Variants in NXPH2 observed in about 807,000 individuals in gnomAD.
The protein encoded by NXPH2 is neurexophilin-2.
In NXPH2, 5 loss-of-function variants were observed where a neutral mutation model predicts 19.8. That is an observed-to-expected ratio of 0.25 (90% CI 0.13 to 0.53). NXPH2 has a LOEUF of 0.53. Among genes scored for constraint, NXPH2 ranks in the 20% least tolerant of loss-of-function variants. The pLI is 0.96. For synonymous variants in NXPH2, 154 were observed against 127.4 expected, an observed-to-expected ratio of 1.21 and a Z score of -1.41; for missense variants, 289 against 322.8, an observed-to-expected ratio of 0.90 and a Z score of 0.80.
chr2:138,680,218 T>C (rs1256293037), intron 1 of NXPH2, among the ~76,000 whole-genome samples: 1 of 152,174 alleles, frequency 6.6e-6, no homozygotes, highest in Non-Finnish European at 1.5e-5. Context: ...CTCTCTGAGC[T>C]TGGTTTTCTT....
At chr2:138,689,756 G>A (rs1175128409) in intron 1 of NXPH2, among the ~76,000 whole-genome samples, 5 of 152,176 alleles carry the variant, frequency 3.3e-5, no homozygotes, top group African/African-American at 1.2e-4. Flanking sequence ...TTATTGGGGA[G>A]GGAGGAGCAA....
chr2:138,772,324 T>G (rs1031656996), intron 1 of NXPH2, among the ~76,000 whole-genome samples: 2 of 142,068 alleles, frequency 1.4e-5, no homozygotes, highest in Non-Finnish European at 3.1e-5. Flanking sequence ...GAGACAGAGT[T>G]GCACTCTTAT....
At chr2:138,724,749 G>A (rs983521320) in intron 1 of NXPH2, among the ~76,000 whole-genome samples, 1 of 152,310 alleles carries the variant, frequency 6.6e-6, no homozygotes, top group East Asian at 1.9e-4. Flanking sequence ...TTGTCCAAAT[G>A]TGTGTCTGTT....
intron 1 of NXPH2, among the ~76,000 whole-genome samples, chr2:138,749,888 T>C (rs1234013897): frequency 6.6e-6 from 1 of 152,166 alleles, no homozygotes; most frequent in Admixed American, 6.5e-5. Context: ...ACAGAGTGTG[T>C]CGCTTATTTA....
chr2:138,749,286 C>A (rs1681790367), intron 1 of NXPH2, among the ~76,000 whole-genome samples: 1 of 152,156 alleles, frequency 6.6e-6, no homozygotes, highest in African/African-American at 2.4e-5. Flanking sequence ...TTCCTGAGGC[C>A]TCTCTAGCCA....
At chr2:138,774,421 A>G (rs1001565019) in intron 1 of NXPH2, among the ~76,000 whole-genome samples, 14 of 152,228 alleles carry the variant, frequency 9.2e-5, no homozygotes, top group Admixed American at 2.0e-4. Context: ...TGATGTGGTT[A>G]ACAGCATAAA....
intron 1 of NXPH2, among the ~76,000 whole-genome samples, chr2:138,737,028 A>G (rs1681559287): frequency 6.6e-6 from 1 of 152,188 alleles, no homozygotes; most frequent in South Asian, 2.1e-4. Flanking sequence ...GGGCATAGCC[A>G]TTCAACAAGT....
At chr2:138,704,484 G>A (rs1415158914) in intron 1 of NXPH2, among the ~76,000 whole-genome samples, 1 of 152,154 alleles carries the variant, frequency 6.6e-6, no homozygotes, top group Non-Finnish European at 1.5e-5. Context: ...GCATCAGATT[G>A]GCACCTAAAC....
intron 1 of NXPH2, among the ~76,000 whole-genome samples, chr2:138,769,216 A>T (rs2104843184): frequency 6.6e-6 from 1 of 152,324 alleles, no homozygotes. Context: ...TACACCAGTG[A>T]GGAGGCTGTG....
At chr2:138,774,047 T>C (rs1329051360) in intron 1 of NXPH2, among the ~76,000 whole-genome samples, 1 of 152,244 alleles carries the variant, frequency 6.6e-6, no homozygotes, top group Non-Finnish European at 1.5e-5. Context: ...CTATTTCTGA[T>C]TTAAATAGAC....
At chr2:138,683,519 G>A (rs187650229) in intron 1 of NXPH2, among the ~76,000 whole-genome samples, 4 of 152,294 alleles carry the variant, frequency 2.6e-5, no homozygotes, top group African/African-American at 9.6e-5. Context: ...CGCGGTGTGG[G>A]TTTGGAAAAG....
chr2:138,741,850 C>T (rs867347819), intron 1 of NXPH2, among the ~76,000 whole-genome samples: 13 of 152,164 alleles, frequency 8.5e-5, no homozygotes, highest in Middle Eastern at 3.4e-3. Context: ...GTAGAGGATC[C>T]CCAAAGCAGA....
chr2:138,689,194 T>C (rs1680707990), intron 1 of NXPH2, among the ~76,000 whole-genome samples: 2 of 152,192 alleles, frequency 1.3e-5, no homozygotes, highest in African/African-American at 4.8e-5. Context: ...TTTAATTGAC[T>C]GTGATTTTTT....
At chr2:138,772,950 CA>C (rs1682202063) in intron 1 of NXPH2, among the ~76,000 whole-genome samples, 1 of 152,198 alleles carries the variant, frequency 6.6e-6, no homozygotes, top group African/African-American at 2.4e-5. Flanking sequence ...AGCTGATGCA[CA>C]GATTAACCAC....
At chr2:138,759,479 T>TACA (rs1234910338) in intron 1 of NXPH2, among the ~76,000 whole-genome samples, 1 of 151,942 alleles carries the variant, frequency 6.6e-6, no homozygotes, top group East Asian at 1.9e-4. Flanking sequence ...ACCCCCTAGC[T>TACA]ACAAGTCTAC....
At chr2:138,776,070 C>T (rs2104846528) in intron 1 of NXPH2, among the ~76,000 whole-genome samples, 1 of 152,176 alleles carries the variant, frequency 6.6e-6, no homozygotes, top group South Asian at 2.1e-4. Context: ...ACCTGTGACA[C>T]ATTTATATTC....
chr2:138,744,691 G>GC (rs1225955270), intron 1 of NXPH2, among the ~76,000 whole-genome samples: 6 of 152,112 alleles, frequency 3.9e-5, no homozygotes, highest in African/African-American at 1.2e-4. Flanking sequence ...GCTTGAACAT[G>GC]CTTCCCAGTC....
chr2:138,734,122 G>T (rs1347605165), intron 1 of NXPH2, among the ~76,000 whole-genome samples: 1 of 152,170 alleles, frequency 6.6e-6, no homozygotes, highest in East Asian at 1.9e-4. Context: ...TTGGGTGCCT[G>T]TAATCACAGC....
chr2:138,675,454 G>A (rs929680252), intron 1 of NXPH2, among the ~76,000 whole-genome samples: 1 of 152,056 alleles, frequency 6.6e-6, no homozygotes, highest in African/African-American at 2.4e-5. Flanking sequence ...GATACCTTAA[G>A]AGATCCTTCT....
Sources: gnomAD v4.1 joint callset for allele counts (sites outside exome capture counted in the v4.1 genomes callset) on GRCh38, gnomAD v4.1.1 for gene constraint, MANE v1.5 for transcripts, NCBI Gene and HGNC (gene_info 2026-07-23, HGNC 2026-07-21) for gene names.